Variants in MIA2 observed in about 807,000 individuals in gnomAD.
MIA2 encodes the protein MIA SH3 domain ER export factor 2.
MIA2 carries 127 observed loss-of-function variants against 167.8 expected under a neutral mutation model. That is an observed-to-expected ratio of 0.76 (90% CI 0.66 to 0.88). The LOEUF (loss-of-function observed/expected upper bound fraction) is 0.88. Ranked by LOEUF, MIA2 falls within the 40% of genes least tolerant of loss-of-function variation. The probability of loss-of-function intolerance (pLI) is 0.00; values close to 1 mark genes in which losing one functional copy is unlikely to be tolerated. For synonymous variants in MIA2, 552 were observed against 541.9 expected, an observed-to-expected ratio of 1.02 and a Z score of -0.26; for missense variants, 1,690 against 1,624.7, an observed-to-expected ratio of 1.04 and a Z score of -0.69.
At chr14:39,375,697 T>C (rs2075031620) in intron 23 of MIA2, among the ~76,000 whole-genome samples, 1 of 152,080 alleles carries the variant, frequency 6.6e-6, no homozygotes, top group Non-Finnish European at 1.5e-5. Flanking sequence ...AGTCTGTCTT[T>C]AAAAACAAAA....
At chr14:39,245,081 C>CTTTT (rs10683715) in intron 3 of MIA2, among the ~76,000 whole-genome samples, 4 of 119,718 alleles carry the variant, frequency 3.3e-5, no homozygotes, top group Non-Finnish European at 6.6e-5. Flanking sequence ...CCTAGCTAAC[C>CTTTT]TTTTTTTTTT....
intron 23 of MIA2, among the ~76,000 whole-genome samples, chr14:39,366,899 A>G (rs2074833691): frequency 6.6e-6 from 1 of 152,170 alleles, no homozygotes; most frequent in Admixed American, 6.5e-5. Flanking sequence ...AACCTCTGGC[A>G]TTGGTGGCAA....
chr14:39,340,491 C>T (rs1046280551), intron 25 of MIA2, among the ~76,000 whole-genome samples: 1 of 152,166 alleles, frequency 6.6e-6, no homozygotes, highest in African/African-American at 2.4e-5. Flanking sequence ...AATGCATAGG[C>T]GTAGATTTTT....
At chr14:39,277,654 C>A (rs2152738985) in intron 7 of MIA2, among the ~76,000 whole-genome samples, 1 of 122,632 alleles carries the variant, frequency 8.2e-6, no homozygotes, top group Non-Finnish European at 1.7e-5. Context: ...CAACTGGAAT[C>A]TTTTAATGTA....
At chr14:39,297,056 C>T (rs988294129) in intron 13 of MIA2, among the ~76,000 whole-genome samples, 3 of 149,922 alleles carry the variant, frequency 2.0e-5, no homozygotes, top group South Asian at 2.1e-4. Context: ...AGATTACAAG[C>T]GCGAGCCACC....
intron 23 of MIA2, among the ~76,000 whole-genome samples, chr14:39,383,413 C>T (rs2075208317): frequency 6.6e-6 from 1 of 152,158 alleles, no homozygotes; most frequent in South Asian, 2.1e-4. Flanking sequence ...ACTGAATTGA[C>T]AGATGTATGT....
At chr14:39,245,081 C>CTTTTTTTTTTTT (rs10683715) in intron 3 of MIA2, among the ~76,000 whole-genome samples, 2,168 of 119,618 alleles carry the variant, frequency 0.018, 125 homozygotes, top group African/African-American at 0.064. Context: ...CCTAGCTAAC[C>CTTTTTTTTTTTT]TTTTTTTTTT....
intron 3 of MIA2, among the ~76,000 whole-genome samples, chr14:39,245,216 C>T (rs911991340): frequency 2.6e-5 from 4 of 151,702 alleles, no homozygotes; most frequent in African/African-American, 9.7e-5. Context: ...GCTGGAATTA[C>T]AGGCATAAGC....
At chr14:39,267,103 G>C in intron 6 of MIA2, 5 of 1,122,466 alleles carry the variant, frequency 4.5e-6, no homozygotes, top group African/African-American at 1.6e-5. Context: ...GCGCGAAGAA[G>C]GGGAAGTTTG....
At chr14:39,272,533 A>T (rs2057331751) in intron 6 of MIA2, among the ~76,000 whole-genome samples, 1 of 152,192 alleles carries the variant, frequency 6.6e-6, no homozygotes, top group Non-Finnish European at 1.5e-5. Context: ...TTGGGGTTTC[A>T]CTAGGGACCC....
intron 13 of MIA2, among the ~76,000 whole-genome samples, chr14:39,297,102 A>G (rs1458069510): frequency 6.7e-6 from 1 of 149,436 alleles, no homozygotes; most frequent in African/African-American, 2.5e-5. Context: ...TATAGGATAT[A>G]TATTTTTTTT....
At chr14:39,252,466 T>G (rs2054623242) in intron 4 of MIA2, among the ~76,000 whole-genome samples, 1 of 152,196 alleles carries the variant, frequency 6.6e-6, no homozygotes, top group African/African-American at 2.4e-5. Context: ...CCTGAAGGAA[T>G]GCAGCCTTGA....
At position 39,280,099 on chromosome 14, in the gene MIA2, A is replaced by G. The variant is rs375141508; in HGVS notation, c.2130+562A>G. On this transcript the variant is annotated intron_variant, in intron 9 of 28. Transcript: ENST00000640607. ...TTTTTTTCCTGGGCGTGTCGAGTTA[A>G]TGCCATTTATTGGAAGGACCATCTT... 8.5e-5 allele frequency among the ~76,000 whole-genome samples: 13 copies of G among 152,194 alleles called. No individual in the cohort carries two copies. The East Asian group carries it at 1.2e-3, about 14-fold the overall frequency.
chr14:39,370,996 T>A (rs1387400102), intron 23 of MIA2, among the ~76,000 whole-genome samples: 1 of 152,222 alleles, frequency 6.6e-6, no homozygotes, highest in Non-Finnish European at 1.5e-5. Flanking sequence ...ATCTTTTGAA[T>A]TGTTGTAATT....
Position 39,337,774 on chromosome 14 carries a change from G to A in MIA2, c.3656-8130G>A, listed in dbSNP as rs538674510. On this transcript the variant is annotated intron_variant, in intron 25 of 28. Coordinates refer to ENST00000640607, the MANE Select transcript of MIA2 (RefSeq NM_001329214.4). Reference sequence around the variant, plus strand: ...ACTCTGTCACCCAGGCTGGAGTGCTGTGGTGTAATCTCGGCTCACTGCAAC... The same window carrying A: ...ACTCTGTCACCCAGGCTGGAGTGCTATGGTGTAATCTCGGCTCACTGCAAC... Among the ~76,000 whole-genome samples the A allele has an allele frequency of 2.0e-5, 3 of 152,018 alleles. No homozygotes were observed. The East Asian group carries it at 5.8e-4, about 29-fold the overall frequency.
At chr14:39,354,752 G>C (rs994690340), downstream of MIA2, among the ~76,000 whole-genome samples, 1 of 152,162 alleles carries the variant, frequency 6.6e-6, no homozygotes, top group African/African-American at 2.4e-5. Context: ...GTGTAAGGAA[G>C]GGGTCCAGTT....
intron 23 of MIA2, among the ~76,000 whole-genome samples, chr14:39,381,938 G>A (rs1172515218): frequency 6.6e-6 from 1 of 152,140 alleles, no homozygotes; most frequent in Non-Finnish European, 1.5e-5. Flanking sequence ...AAGACTAGCT[G>A]GTTGTTAATC....
intron 13 of MIA2, among the ~76,000 whole-genome samples, chr14:39,296,181 CTG>C (rs1343142901): frequency 1.3e-5 from 2 of 152,106 alleles, no homozygotes; most frequent in Non-Finnish European, 2.9e-5. Context: ...TTTTCCATAT[CTG>C]AGCCCTTTTG....
At position 39,370,676 on chromosome 14, in the gene MIA2, A is replaced by C. The variant is rs557218182; in HGVS notation, c.2249-16209A>C. On this transcript the variant is annotated intron_variant, in intron 23 of 23. Coordinates refer to the MIA2 transcript ENST00000341502. ...GTCGCACGTGCTGCATGCCCAGCACAGCAGAGCCACCACTTCGCTGCTCAT... is the reference window on the plus strand; with the variant it reads ...GTCGCACGTGCTGCATGCCCAGCACCGCAGAGCCACCACTTCGCTGCTCAT... 3.6e-4 allele frequency: 86 copies of C among 238,630 alleles called. No homozygotes were observed. In the South Asian group the frequency reaches 3.8e-3, roughly 11 times the overall value. 14.8% of individuals were successfully genotyped at this position (238,630 alleles called of 1,614,324 possible).
Sources: allele counts gnomAD v4.1 joint callset (sites outside exome capture counted in the v4.1 genomes callset), GRCh38; gene constraint gnomAD v4.1.1; transcripts MANE v1.5; gene names NCBI Gene and HGNC (gene_info 2026-07-23, HGNC 2026-07-21).